Variants in SEC22A observed in about 807,000 individuals in gnomAD.
SEC22A encodes SEC22 homolog A, vesicle trafficking protein.
A neutral mutation model predicts 35.3 loss-of-function variants in SEC22A; 22 were observed. The ratio of observed to expected loss-of-function variants is 0.62; its 90% CI spans 0.45 to 0.89. The LOEUF is 0.89. Ranked by LOEUF, SEC22A falls within the 40% of genes least tolerant of loss-of-function variation. The probability of loss-of-function intolerance (pLI) is 0.00; values close to 1 mark genes in which losing one functional copy is unlikely to be tolerated. For synonymous variants in SEC22A, 119 were observed against 129.5 expected (o/e 0.92, Z 0.55); for missense variants, 354 against 362.5 (o/e 0.98, Z 0.19).
chr3:123,242,903 C>T (rs2108073759), intron 4 of SEC22A, among the ~76,000 whole-genome samples: 1 of 152,244 alleles, frequency 6.6e-6, no homozygotes, highest in African/African-American at 2.4e-5. Flanking sequence ...ATTTCTCCCT[C>T]CCTTACTTTT....
At chr3:123,249,236 A>G (rs73856884) in intron 5 of SEC22A, among the ~76,000 whole-genome samples, 2,280 of 152,258 alleles carry the variant, frequency 0.015, 50 homozygotes, top group African/African-American at 0.052. Flanking sequence ...CATGGCACCC[A>G]CCCAGAAGCT....
intron 4 of SEC22A, among the ~76,000 whole-genome samples, chr3:123,236,141 T>C: frequency 6.6e-6 from 1 of 152,216 alleles, no homozygotes; most frequent in South Asian, 2.1e-4. Context: ...TGTACAACTC[T>C]GAGTATACGA....
chr3:123,249,225 A>T (rs1227057031), intron 5 of SEC22A, among the ~76,000 whole-genome samples: 3 of 152,214 alleles, frequency 2.0e-5, no homozygotes, highest in Non-Finnish European at 1.5e-5. Flanking sequence ...CCTTCCTGGC[A>T]CATGGCACCC....
chr3:123,258,998 A>T (rs1937813200), intron 5 of SEC22A, among the ~76,000 whole-genome samples: 1 of 152,174 alleles, frequency 6.6e-6, no homozygotes, highest in African/African-American at 2.4e-5. Flanking sequence ...AAGACTGATT[A>T]GTCTTAATTT....
intron 1 of SEC22A, among the ~76,000 whole-genome samples, chr3:123,202,675 G>A (rs1936769876): frequency 6.6e-6 from 1 of 152,162 alleles, no homozygotes; most frequent in African/African-American, 2.4e-5. Context: ...GACAGCTTAA[G>A]ATAATTTTTC....
chr3:123,236,425 A>G (rs776428574), intron 4 of SEC22A, among the ~76,000 whole-genome samples: 7 of 152,144 alleles, frequency 4.6e-5, no homozygotes, highest in Non-Finnish European at 1.0e-4. Flanking sequence ...CAAGATTACT[A>G]AGAATTAGTG....
chr3:123,236,767 G>A (rs1400214499), intron 4 of SEC22A, among the ~76,000 whole-genome samples: 1 of 151,786 alleles, frequency 6.6e-6, no homozygotes, highest in Non-Finnish European at 1.5e-5. Flanking sequence ...AGATAATTAA[G>A]CACCTTAAGA....
intron 6 of SEC22A, among the ~76,000 whole-genome samples, chr3:123,260,316 G>C (rs1937860736): frequency 6.6e-6 from 1 of 152,116 alleles, no homozygotes; most frequent in African/African-American, 2.4e-5. Context: ...GTAATGAATA[G>C]AATGGACTGT....
At chr3:123,260,842 T>TTC (rs1937877451) in intron 6 of SEC22A, among the ~76,000 whole-genome samples, 1 of 146,172 alleles carries the variant, frequency 6.8e-6, no homozygotes, top group South Asian at 2.1e-4. Flanking sequence ...TCTTTTTCTT[T>TTC]TTTTTTTTTT....
intron 5 of SEC22A, among the ~76,000 whole-genome samples, chr3:123,252,877 A>T (rs1937631110): frequency 6.6e-6 from 1 of 152,122 alleles, no homozygotes; most frequent in Non-Finnish European, 1.5e-5. Context: ...TAAGTTCATA[A>T]GTTTATTTTG....
chr3:123,230,986 A>G (rs1188898420), intron 4 of SEC22A, among the ~76,000 whole-genome samples: 2 of 152,124 alleles, frequency 1.3e-5, no homozygotes, highest in Non-Finnish European at 2.9e-5. Context: ...AAAAAAGATA[A>G]ATGAAGAGGA....
chr3:123,215,181 C>T (rs1277628840), intron 2 of SEC22A, among the ~76,000 whole-genome samples: 1 of 152,196 alleles, frequency 6.6e-6, no homozygotes, highest in East Asian at 1.9e-4. Context: ...CAGGGGCAGA[C>T]ACACAACTCA....
chr3:123,258,720 G>GT (rs11433747), intron 5 of SEC22A, among the ~76,000 whole-genome samples: 31,221 of 149,154 alleles, frequency 0.21, 3,333 homozygotes, highest in Middle Eastern at 0.28. Flanking sequence ...GTATAAAGAG[G>GT]TTTTTTTTTT....
At chr3:123,264,999 T>A (rs530031284) in intron 6 of SEC22A, among the ~76,000 whole-genome samples, 5 of 152,054 alleles carry the variant, frequency 3.3e-5, no homozygotes, top group Middle Eastern at 6.8e-3. Flanking sequence ...TCTTAAAGAG[T>A]TTTTTATACA....
At chr3:123,222,768 A>G (rs972636527) in intron 2 of SEC22A, among the ~76,000 whole-genome samples, 1 of 152,208 alleles carries the variant, frequency 6.6e-6, no homozygotes, top group Non-Finnish European at 1.5e-5. Flanking sequence ...TTTCTACTGT[A>G]TAATATTTTC....
chr3:123,206,872 C>T (rs922831779), intron 1 of SEC22A, among the ~76,000 whole-genome samples: 2 of 152,166 alleles, frequency 1.3e-5, no homozygotes, highest in African/African-American at 2.4e-5. Flanking sequence ...CAGATCACTT[C>T]AGGCCAGGAG....
At chr3:123,264,579 C>A (rs1937978631) in intron 6 of SEC22A, among the ~76,000 whole-genome samples, 1 of 149,870 alleles carries the variant, frequency 6.7e-6, no homozygotes. Context: ...AACATTGTTT[C>A]ATGTATTTGT....
intron 4 of SEC22A, among the ~76,000 whole-genome samples, chr3:123,241,640 C>G (rs560465013): frequency 2.6e-5 from 4 of 152,182 alleles, no homozygotes; most frequent in Non-Finnish European, 4.4e-5. Flanking sequence ...ATTATTTTCT[C>G]AATCCTATTA....
chr3:123,246,266 T>C (rs1192912470), intron 5 of SEC22A, among the ~76,000 whole-genome samples: 1 of 152,186 alleles, frequency 6.6e-6, no homozygotes, highest in Non-Finnish European at 1.5e-5. Flanking sequence ...GTGTGTGACA[T>C]AGGCCTTGCA....
Sources: gnomAD v4.1 joint callset for allele counts (sites outside exome capture counted in the v4.1 genomes callset) on GRCh38, gnomAD v4.1.1 for gene constraint, MANE v1.5 for transcripts, NCBI Gene and HGNC (gene_info 2026-07-23, HGNC 2026-07-21) for gene names.